The following RNF150 variants were observed in gnomAD, a reference collection of about 807,000 sequenced individuals.
The protein encoded by RNF150 is ring finger protein 150.
A neutral mutation model predicts 39.3 loss-of-function variants in RNF150; 24 were observed. The ratio of observed to expected loss-of-function variants is 0.61; its 90% CI spans 0.44 to 0.86. RNF150 has a LOEUF of 0.86. Ranked by LOEUF, RNF150 falls within the 40% of genes least tolerant of loss-of-function variation. The pLI is 0.00. For synonymous variants in RNF150, 255 were observed against 227.3 expected, an observed-to-expected ratio of 1.12 and a Z score of -1.10; for missense variants, 502 against 587.8, an observed-to-expected ratio of 0.85 and a Z score of 1.51.
At chr4:140,986,883 T>G (rs1734033243) in intron 1 of RNF150, among the ~76,000 whole-genome samples, 1 of 152,070 alleles carries the variant, frequency 6.6e-6, no homozygotes, top group African/African-American at 2.4e-5. Flanking sequence ...CTAAAGACTC[T>G]GCCAAAAGGC....
intron 1 of RNF150, among the ~76,000 whole-genome samples, chr4:141,206,448 C>T (rs1291921759): frequency 6.8e-6 from 1 of 147,180 alleles, no homozygotes; most frequent in African/African-American, 2.5e-5. Context: ...AGAGTGTTCC[C>T]AAACCAAAAC....
chr4:140,868,110 G>T lies in RNF150; in HGVS notation c.*151C>A, dbSNP rs1578913136. On this transcript the variant is annotated 3_prime_UTR_variant, in exon 7 of 7. Coordinates refer to ENST00000515673, the MANE Select transcript of RNF150 (RefSeq NM_020724.2). ...ACTGCATCCTGATTGACAAGACTTT[G>T]GATATTGCTTTTCGTCAGCATTCTT... 1.7e-6 allele frequency: 1 copy of T among 599,180 alleles called. No individual in the cohort carries two copies. The highest frequency in any genetic ancestry group is 2.8e-5 in the East Asian group (1 of 36,016). 37.1% of individuals were successfully genotyped at this position (599,180 alleles called of 1,614,324 possible). A position where few individuals can be genotyped will look rare whatever the true frequency, so the allele number is the denominator to read the frequency against.
chr4:141,115,382 C>T (rs937788920), intron 1 of RNF150, among the ~76,000 whole-genome samples: 1 of 152,170 alleles, frequency 6.6e-6, no homozygotes, highest in African/African-American at 2.4e-5. Context: ...TGAATAAACT[C>T]CCATTCACAA....
At chr4:141,016,039 G>T (rs542296467) in intron 1 of RNF150, among the ~76,000 whole-genome samples, 11 of 152,210 alleles carry the variant, frequency 7.2e-5, no homozygotes, top group Admixed American at 4.6e-4. Flanking sequence ...TTCCAATGTT[G>T]TTATGTGACC....
chr4:141,079,817 C>T (rs1166893858), intron 1 of RNF150, among the ~76,000 whole-genome samples: 1 of 152,168 alleles, frequency 6.6e-6, no homozygotes, highest in Non-Finnish European at 1.5e-5. Flanking sequence ...GGTAGCAGGC[C>T]GAACTCCAGG....
chr4:141,010,008 T>A (rs1245715799), intron 1 of RNF150, among the ~76,000 whole-genome samples: 1 of 152,186 alleles, frequency 6.6e-6, no homozygotes, highest in Admixed American at 6.5e-5. Context: ...TTACTTGATG[T>A]GTTTGCTTTC....
At chr4:140,998,050 A>G (rs1402584661) in intron 1 of RNF150, among the ~76,000 whole-genome samples, 1 of 152,174 alleles carries the variant, frequency 6.6e-6, no homozygotes, top group Non-Finnish European at 1.5e-5. Context: ...TTGCACACTG[A>G]CTTCAATTTA....
intron 1 of RNF150, among the ~76,000 whole-genome samples, chr4:141,199,492 T>A (rs531017075): frequency 6.6e-6 from 1 of 152,282 alleles, no homozygotes; most frequent in East Asian, 1.9e-4. Context: ...CTCTGAGACA[T>A]CCATATAGTG....
intron 4 of RNF150, among the ~76,000 whole-genome samples, chr4:140,931,083 G>A (rs1731617874): frequency 6.6e-6 from 1 of 151,952 alleles, no homozygotes; most frequent in Non-Finnish European, 1.5e-5. Flanking sequence ...GGTGTGGGGA[G>A]AGAGAGAAGG....
At chr4:141,072,625 A>C (rs891143290) in intron 1 of RNF150, among the ~76,000 whole-genome samples, 1 of 152,244 alleles carries the variant, frequency 6.6e-6, no homozygotes, top group Non-Finnish European at 1.5e-5. Context: ...AATCACAAAT[A>C]TAATTACATC....
intron 5 of RNF150, among the ~76,000 whole-genome samples, chr4:140,920,742 G>A (rs1006507880): frequency 2.6e-5 from 4 of 152,052 alleles, no homozygotes; most frequent in African/African-American, 4.8e-5. Flanking sequence ...GCACACATAC[G>A]TTTATTGCGG....
chr4:140,880,948 T>G (rs768030988), intron 6 of RNF150, among the ~76,000 whole-genome samples: 6 of 152,304 alleles, frequency 3.9e-5, no homozygotes, highest in Middle Eastern at 6.8e-3. Context: ...TGGTTGATCC[T>G]TTCAAAACAC....
chr4:141,071,419 C>T (rs1737700186), intron 1 of RNF150, among the ~76,000 whole-genome samples: 1 of 151,450 alleles, frequency 6.6e-6, no homozygotes, highest in Admixed American at 6.6e-5. Flanking sequence ...GGTAGTATTT[C>T]CAGTTTAATT....
At chr4:141,100,199 T>C (rs1327466380) in intron 1 of RNF150, among the ~76,000 whole-genome samples, 1 of 152,226 alleles carries the variant, frequency 6.6e-6, no homozygotes, top group African/African-American at 2.4e-5. Context: ...TGCCTAGCTC[T>C]TTAGTGTGGT....
At chr4:140,925,814 A>T (rs140438926) in intron 5 of RNF150, among the ~76,000 whole-genome samples, 163 bp downstream of exon 5, 1 of 152,288 alleles carries the variant, frequency 6.6e-6, no homozygotes, top group East Asian at 1.9e-4. Flanking sequence ...GTGAGGGGAG[A>T]AATGCTTTCA....
At chr4:141,130,239 T>C (rs892473197) in intron 1 of RNF150, among the ~76,000 whole-genome samples, 3 of 152,230 alleles carry the variant, frequency 2.0e-5, no homozygotes, top group Non-Finnish European at 4.4e-5. Context: ...TACCCTGTCA[T>C]GTATCTGCTC....
chr4:140,924,086 C>T (rs1243911982), intron 5 of RNF150, among the ~76,000 whole-genome samples: 2 of 151,974 alleles, frequency 1.3e-5, no homozygotes, highest in African/African-American at 4.8e-5. Flanking sequence ...CAAACCTGCA[C>T]GTTTTGCACA....
At chr4:140,894,607 T>C (rs1295774323) in intron 6 of RNF150, among the ~76,000 whole-genome samples, 2 of 152,202 alleles carry the variant, frequency 1.3e-5, no homozygotes, top group Non-Finnish European at 1.5e-5. Flanking sequence ...CTTTGATTGG[T>C]GCATGCTTTG....
chr4:141,037,834 A>G (rs745769158), intron 1 of RNF150, among the ~76,000 whole-genome samples: 14 of 152,220 alleles, frequency 9.2e-5, no homozygotes, highest in Non-Finnish European at 1.3e-4. Flanking sequence ...ATGGGGCACT[A>G]TGTACACCTA....
Sources: allele counts gnomAD v4.1 joint callset (sites outside exome capture counted in the v4.1 genomes callset), GRCh38; gene constraint gnomAD v4.1.1; transcripts MANE v1.5; gene names NCBI Gene and HGNC (gene_info 2026-07-23, HGNC 2026-07-21).